Variants in KTN1 observed in about 807,000 individuals in gnomAD.
KTN1 encodes the protein kinectin 1.
Under a neutral mutation model 222.5 loss-of-function variants are expected in KTN1, and 130 were observed. The ratio of observed to expected loss-of-function variants is 0.58; its 90% CI spans 0.51 to 0.68. KTN1 has a LOEUF of 0.68. KTN1 is among the 30% of genes least tolerant of loss of function. The pLI is 0.00. For missense variants in KTN1, 1,508 were observed against 1,500.4 expected (o/e 1.01, Z -0.08); for synonymous variants, 512 against 496.3 (o/e 1.03, Z -0.42).
At position 55,684,243 on chromosome 14, in the gene KTN1, G is replaced by C. The variant is rs1169843417; in HGVS notation, c.*140G>C. 7.2e-6 allele frequency: 4 copies of C among 553,244 alleles called. No homozygotes were observed. Among genetic ancestry groups the C allele is most frequent in the African/African-American group, 5.9e-5 (3 of 50,906 alleles). 34.3% of individuals were successfully genotyped at this position (553,244 alleles called of 1,614,324 possible). On this transcript the variant is annotated 3_prime_UTR_variant, in exon 44 of 44. Coordinates refer to ENST00000395314, the MANE Select transcript of KTN1 (RefSeq NM_001079521.2). ...GTTTTGTCTTTTCTAATCCTTGTTA[G>C]ACTACTGATTTAAAGAAGGAAAAAA... is the stretch of plus-strand genomic sequence containing the variant.
At chr14:55,618,171 A>C (rs763343597) in intron 4 of KTN1, 37 bp downstream of exon 4, 1 of 1,479,658 alleles carries the variant, frequency 6.8e-7, no homozygotes, top group South Asian at 1.3e-5. Flanking sequence ...TTGTACTATA[A>C]AAACACATTT....
At position 55,671,781 on chromosome 14, in the gene KTN1, G is replaced by A. The variant is rs770701375; in HGVS notation, c.3439-4G>A. On this transcript the variant is annotated splice_polypyrimidine_tract_variant and splice_region_variant and intron_variant, in intron 36 of 43. Transcript: ENST00000395314. ...TTTCAAAACAACTATGCTTTTGTCT[G>A]TAGGAAGGAATTTTACAGAAGCTAC... The A allele has an allele frequency of 1.9e-6, 3 of 1,603,928 alleles. No homozygotes were observed. Among genetic ancestry groups the A allele is most frequent in the African/African-American group, 2.7e-5 (2 of 74,720 alleles).
At chr14:55,680,476 TC>T in intron 43 of KTN1, 1 of 376,338 alleles carries the variant, frequency 2.7e-6, no homozygotes, top group Admixed American at 3.3e-5. Flanking sequence ...ACTGAATACT[TC>T]AGATATTCTT....
intron 7 of KTN1, among the ~76,000 whole-genome samples, chr14:55,631,919 G>C (rs2040581144): frequency 6.6e-6 from 1 of 151,960 alleles, no homozygotes; most frequent in South Asian, 2.1e-4. Flanking sequence ...CTTGTATTTG[G>C]TACCAGATTT....
intron 1 of KTN1, among the ~76,000 whole-genome samples, chr14:55,606,337 G>T (rs534316837): frequency 6.6e-6 from 1 of 151,816 alleles, no homozygotes; most frequent in African/African-American, 2.4e-5. Context: ...TCAACTTACT[G>T]TTTTTGTTTT....
chr14:55,592,966 T>G (rs2034396719), intron 1 of KTN1, among the ~76,000 whole-genome samples: 1 of 152,196 alleles, frequency 6.6e-6, no homozygotes, highest in Admixed American at 6.5e-5. Context: ...ATCCCGTGTT[T>G]TTAATTGTTC....
At chr14:55,611,775 A>G (rs1019929385) in intron 1 of KTN1, among the ~76,000 whole-genome samples, 3 of 152,224 alleles carry the variant, frequency 2.0e-5, no homozygotes, top group Admixed American at 6.5e-5. Context: ...ATATTTTCAC[A>G]TGATTTAGAA....
At chr14:55,673,075 A>G (rs2045586600) in intron 39 of KTN1, 63 bp downstream of exon 39, 1 of 1,507,734 alleles carries the variant, frequency 6.6e-7, no homozygotes, top group South Asian at 1.1e-5. Flanking sequence ...TAACAGTGAT[A>G]TTTCAGTATA....
chr14:55,580,253 TGCG>T lies in KTN1; in HGVS notation c.-107_-105del, dbSNP rs534439479. ...AGCGGCGCGACGGCACCTGAGCGAC[TGCG>T]GCGGCGGCGGCGGCGGCGGCGGCGC... On this transcript the variant is annotated 5_prime_UTR_variant, in exon 1 of 44. Transcript: ENST00000395314. 531 of 153,466 alleles carry T rather than the reference TGCG, an allele frequency of 3.5e-3. 1 individual carries two copies. The highest frequency in any genetic ancestry group is 9.6e-3 in the Middle Eastern group (3 of 312). 9.5% of individuals were successfully genotyped at this position (153,466 alleles called of 1,614,324 possible).
At chr14:55,581,743 A>G (rs2031700400) in intron 1 of KTN1, among the ~76,000 whole-genome samples, 1 of 152,036 alleles carries the variant, frequency 6.6e-6, no homozygotes, top group South Asian at 2.1e-4. Context: ...GTCCGAAGCA[A>G]TTGCTGGTGA....
rs1172394147 is a variant in KTN1, at chr14:55,671,675, C to T, written c.3438+20C>T. 1 of 1,584,386 alleles carries T rather than the reference C, an allele frequency of 6.3e-7. No homozygotes were observed. The highest frequency in any genetic ancestry group is 1.7e-5 in the Admixed American group (1 of 59,106). On this transcript the variant is annotated intron_variant, in intron 36 of 43. Transcript: ENST00000395314. ...GAAACAGTAGGAAATGATTTTTAATCTACATTTTGATTTTACTTTAAATCA... is the reference window on the plus strand; with the variant it reads ...GAAACAGTAGGAAATGATTTTTAATTTACATTTTGATTTTACTTTAAATCA...
intron 1 of KTN1, among the ~76,000 whole-genome samples, chr14:55,581,089 CAA>C (rs1035819365): frequency 3.3e-5 from 5 of 152,222 alleles, no homozygotes; most frequent in African/African-American, 1.2e-4. Flanking sequence ...CTTCAGTTTC[CAA>C]AAGTGAGATT....
At chr14:55,683,883 G>A (rs918899488) in intron 43 of KTN1, among the ~76,000 whole-genome samples, 1 of 151,936 alleles carries the variant, frequency 6.6e-6, no homozygotes, top group African/African-American at 2.4e-5. Flanking sequence ...ACAGAATTTG[G>A]CTCACATTTA....
chr14:55,660,680 G>A (rs139887267), intron 31 of KTN1, among the ~76,000 whole-genome samples: 1 of 152,252 alleles, frequency 6.6e-6, no homozygotes, highest in African/African-American at 2.4e-5. Context: ...ACTATATAGA[G>A]AAAAGGTTGG....
intron 38 of KTN1, 24 bp from the exon 39 acceptor site, chr14:55,672,905 A>G (rs1322534979): frequency 1.9e-6 from 3 of 1,588,012 alleles, no homozygotes; most frequent in Admixed American, 3.4e-5. Flanking sequence ...AAGTGTGTTA[A>G]CTTTTCCTTT....
intron 18 of KTN1, among the ~76,000 whole-genome samples, chr14:55,643,608 C>CT (rs1159412408): frequency 6.6e-6 from 1 of 152,118 alleles, no homozygotes; most frequent in Non-Finnish European, 1.5e-5. Context: ...TCCTAGAATT[C>CT]TTATATTCTA....
At chr14:55,660,736 A>T (rs1398729106) in intron 31 of KTN1, among the ~76,000 whole-genome samples, 1 of 152,114 alleles carries the variant, frequency 6.6e-6, no homozygotes, top group African/African-American at 2.4e-5. Context: ...GGCCTGTGGG[A>T]CCCATAGGTC....
chr14:55,631,726 A>G (rs1313057894), intron 7 of KTN1, among the ~76,000 whole-genome samples: 2 of 152,122 alleles, frequency 1.3e-5, no homozygotes, highest in African/African-American at 4.8e-5. Context: ...GCAGTGAGCC[A>G]TGATCACACT....
chr14:55,625,040 C>T (rs1162732777), intron 5 of KTN1, among the ~76,000 whole-genome samples: 1 of 152,120 alleles, frequency 6.6e-6, no homozygotes, highest in Non-Finnish European at 1.5e-5. Flanking sequence ...TGTGAGTGCA[C>T]ACATGCCCTT....
Sources: allele counts gnomAD v4.1 joint callset (sites outside exome capture counted in the v4.1 genomes callset), GRCh38; gene constraint gnomAD v4.1.1; transcripts MANE v1.5; gene names NCBI Gene and HGNC (gene_info 2026-07-23, HGNC 2026-07-21).